The following ZCCHC7 variants were observed in gnomAD, a reference collection of about 807,000 sequenced individuals.
ZCCHC7 encodes zinc finger CCHC domain-containing protein 7.
In ZCCHC7, 35 loss-of-function variants were observed where a neutral mutation model predicts 52.0. The observed-to-expected ratio is 0.67, with a 90% CI of 0.51 to 0.89. The LOEUF is 0.89. Among genes scored for constraint, ZCCHC7 ranks in the 40% least tolerant of loss-of-function variants. ZCCHC7 has a pLI of 0.00. For missense variants in ZCCHC7, 574 were observed against 649.1 expected (o/e 0.88, Z 1.26); for synonymous variants, 217 against 221.5 (o/e 0.98, Z 0.18).
At chr9:37,291,520 G>C (rs544569516) in intron 2 of ZCCHC7, among the ~76,000 whole-genome samples, 1 of 152,126 alleles carries the variant, frequency 6.6e-6, no homozygotes, top group Admixed American at 6.5e-5. Flanking sequence ...ACTTCATCTG[G>C]TTTCTATCAA....
chr9:37,199,860 A>G (rs1823533207), intron 2 of ZCCHC7, among the ~76,000 whole-genome samples: 1 of 151,088 alleles, frequency 6.6e-6, no homozygotes, highest in East Asian at 2.0e-4. Flanking sequence ...ACCCGCCACC[A>G]CGCCCGGCTA....
At chr9:37,209,043 G>A (rs746924475) in intron 2 of ZCCHC7, among the ~76,000 whole-genome samples, 22 of 151,702 alleles carry the variant, frequency 1.5e-4, no homozygotes, top group East Asian at 9.7e-4. Context: ...AAATACAACC[G>A]CAATTTTTTT....
At chr9:37,336,456 G>A (rs1235771580) in intron 6 of ZCCHC7, among the ~76,000 whole-genome samples, 1 of 152,134 alleles carries the variant, frequency 6.6e-6, no homozygotes, top group Non-Finnish European at 1.5e-5. Flanking sequence ...GTGATCGATG[G>A]TTAAGAGTAT....
At chr9:37,200,027 T>C (rs927870967) in intron 2 of ZCCHC7, among the ~76,000 whole-genome samples, 4 of 152,172 alleles carry the variant, frequency 2.6e-5, no homozygotes, top group African/African-American at 4.8e-5. Context: ...CTTACCGCGC[T>C]CTGCTCCCAT....
intron 2 of ZCCHC7, among the ~76,000 whole-genome samples, chr9:37,178,169 G>T (rs1588434252): frequency 1.3e-5 from 2 of 152,090 alleles, no homozygotes; most frequent in South Asian, 4.1e-4. Context: ...AAAACACCAT[G>T]CTGATGAGTA....
rs1321105864 is a variant in ZCCHC7 at position 37,357,254 on chromosome 9, A to G, written c.1618A>G (p.Lys540Glu). ...TAACTTATTTCTTATTAAGCAGAGA[A>G]AAAAAAAGTCTTAAGCCGTCAGGCA... Reference protein sequence around the residue: ...NDNLFLIKQRKKKS With the variant: ...NDNLFLIKQREKKS The change falls in exon 9 of 9, where the codon AAA (lysine) becomes GAA (glutamate). Residue 540 changes from lysine to glutamate, a missense_variant. Coordinates refer to ENST00000336755, the MANE Select transcript of ZCCHC7 (RefSeq NM_032226.3). The G allele has an allele frequency of 6.3e-7, 1 of 1,593,000 alleles. No homozygotes were observed. Among genetic ancestry groups the G allele is most frequent in the Non-Finnish European group, 8.5e-7 (1 of 1,174,066 alleles).
chr9:37,181,130 A>G (rs1204730500), intron 2 of ZCCHC7, among the ~76,000 whole-genome samples: 1 of 152,146 alleles, frequency 6.6e-6, no homozygotes, highest in Non-Finnish European at 1.5e-5. Context: ...TTAGAAGCAG[A>G]TCAGCTCAGT....
intron 2 of ZCCHC7, among the ~76,000 whole-genome samples, chr9:37,189,529 G>C (rs942245105): frequency 2.0e-5 from 3 of 152,122 alleles, no homozygotes; most frequent in Non-Finnish European, 4.4e-5. Flanking sequence ...TAGGATTACA[G>C]GTGCACACTA....
At chr9:37,294,901 A>G (rs1828712139) in intron 2 of ZCCHC7, among the ~76,000 whole-genome samples, 1 of 152,212 alleles carries the variant, frequency 6.6e-6, no homozygotes, top group Admixed American at 6.5e-5. Flanking sequence ...TTGAAAATAT[A>G]GATAAGATGC....
chr9:37,346,748 A>G (rs1820998919), intron 6 of ZCCHC7, among the ~76,000 whole-genome samples: 1 of 152,170 alleles, frequency 6.6e-6, no homozygotes, highest in Non-Finnish European at 1.5e-5. Flanking sequence ...GGCCAAGGTG[A>G]AAGGATCACT....
intron 2 of ZCCHC7, among the ~76,000 whole-genome samples, chr9:37,261,861 G>A (rs1826881691): frequency 6.6e-6 from 1 of 151,942 alleles, no homozygotes; most frequent in South Asian, 2.1e-4. Context: ...TAAATTTTGA[G>A]ATTTGTAATC....
intron 6 of ZCCHC7, among the ~76,000 whole-genome samples, chr9:37,335,436 A>C (rs1270011037): frequency 6.6e-6 from 1 of 152,208 alleles, no homozygotes; most frequent in Non-Finnish European, 1.5e-5. Context: ...TAAAATATTT[A>C]ACTTCTAAAG....
At chr9:37,131,125 G>C (rs1302424625) in intron 2 of ZCCHC7, among the ~76,000 whole-genome samples, 1 of 151,772 alleles carries the variant, frequency 6.6e-6, no homozygotes, top group African/African-American at 2.4e-5. Flanking sequence ...TGGATCACGA[G>C]GTCGGGAGAT....
At chr9:37,192,823 A>T (rs1445553084) in intron 2 of ZCCHC7, among the ~76,000 whole-genome samples, 1 of 150,458 alleles carries the variant, frequency 6.6e-6, no homozygotes. Context: ...TTCCCTTTTT[A>T]AAAAAACTTT....
chr9:37,270,597 G>A lies in ZCCHC7; in HGVS notation c.611-31591G>A, dbSNP rs181401928. Among the ~76,000 whole-genome samples, 295 of 151,584 alleles carry A rather than the reference G, an allele frequency of 1.9e-3. 4 individuals carry two copies. The highest frequency in any genetic ancestry group is 9.7e-4 in the East Asian group (5 of 5,170). On this transcript the variant is annotated intron_variant, in intron 2 of 8. Coordinates refer to ENST00000336755, the MANE Select transcript of ZCCHC7 (RefSeq NM_032226.3). ...CTTGGGAGGCTGAGGCAGGAGAATC[G>A]CTTGAACCTGGGAGGTGGAGGTTGC...
intron 2 of ZCCHC7, among the ~76,000 whole-genome samples, chr9:37,282,905 G>A (rs529230728): frequency 7.5e-6 from 1 of 132,944 alleles, no homozygotes; most frequent in Non-Finnish European, 1.6e-5. Flanking sequence ...AATGAAAATG[G>A]CATTTGTTCC....
intron 2 of ZCCHC7, among the ~76,000 whole-genome samples, chr9:37,198,697 T>C (rs1037065392): frequency 1.3e-5 from 2 of 152,204 alleles, no homozygotes; most frequent in Admixed American, 1.3e-4. Flanking sequence ...ATGATAGAGC[T>C]TGCTCCCTCA....
At chr9:37,323,569 C>A (rs939441273) in intron 5 of ZCCHC7, among the ~76,000 whole-genome samples, 1 of 152,156 alleles carries the variant, frequency 6.6e-6, no homozygotes, top group South Asian at 2.1e-4. Flanking sequence ...TTGCCACTTA[C>A]ATCTTGTATG....
At chr9:37,217,756 A>G (rs1202546557) in intron 2 of ZCCHC7, among the ~76,000 whole-genome samples, 1 of 152,182 alleles carries the variant, frequency 6.6e-6, no homozygotes, top group East Asian at 1.9e-4. Context: ...AGTTTATTCT[A>G]AAGACATTTA....
Sources: allele counts gnomAD v4.1 joint callset (sites outside exome capture counted in the v4.1 genomes callset), GRCh38; gene constraint gnomAD v4.1.1; transcripts MANE v1.5; gene names NCBI Gene and HGNC (gene_info 2026-07-23, HGNC 2026-07-21).